The following FRMPD4 variants were observed in gnomAD, a reference collection of about 807,000 sequenced individuals.
FRMPD4 encodes the protein FERM and PDZ domain containing 4.
Under a neutral mutation model 94.1 loss-of-function variants are expected in FRMPD4, and 22 were observed. The ratio of observed to expected loss-of-function variants is 0.23; its 90% confidence interval spans 0.17 to 0.33. The LOEUF (loss-of-function observed/expected upper bound fraction) is 0.33. Ranked by LOEUF, FRMPD4 falls within the 10% of genes least tolerant of loss-of-function variation. The pLI is 1.00. For missense variants in FRMPD4, 1,111 were observed against 1,339.9 expected, an observed-to-expected ratio of 0.83 and a Z score of 2.67; for synonymous variants, 631 against 548.6, an observed-to-expected ratio of 1.15 and a Z score of -2.10.
chrX:11,828,117 A>G (rs1601789278), intron 1 of FRMPD4, among the ~76,000 whole-genome samples: 1 of 112,380 alleles, frequency 8.9e-6, no homozygotes, highest in South Asian at 3.7e-4. Flanking sequence ...CCTGGAAGTC[A>G]CCATTTGTGA....
At chrX:11,862,915 T>A (rs2053695325) in intron 1 of FRMPD4, among the ~76,000 whole-genome samples, 1 of 109,337 alleles carries the variant, frequency 9.1e-6, no homozygotes, top group African/African-American at 3.3e-5. Context: ...AACTAAGGTG[T>A]TTAAGGGTAG....
intron 1 of FRMPD4, among the ~76,000 whole-genome samples, chrX:12,487,361 A>G (rs946883520): frequency 8.9e-6 from 1 of 112,446 alleles, no homozygotes; most frequent in Non-Finnish European, 1.9e-5. Flanking sequence ...ACAAAAATAA[A>G]TAAGTGCAGA....
chrX:12,386,196 A>G (rs1302568602), intron 1 of FRMPD4, among the ~76,000 whole-genome samples: 1 of 112,582 alleles, frequency 8.9e-6, no homozygotes. Flanking sequence ...AACATCTGGA[A>G]GGAGCTCAGT....
upstream of FRMPD4, among the ~76,000 whole-genome samples, chrX:12,136,853 T>G (rs1177356040): frequency 9.3e-6 from 1 of 107,504 alleles, no homozygotes; most frequent in East Asian, 3.0e-4. Flanking sequence ...TTTACATATT[T>G]TAGATCAGAC....
chrX:12,609,250 A>G (rs1168928242), intron 2 of FRMPD4, among the ~76,000 whole-genome samples: 1 of 111,482 alleles, frequency 9.0e-6, no homozygotes, highest in Non-Finnish European at 1.9e-5. Flanking sequence ...GGGGTGGCAG[A>G]GGAGGAAGAA....
chrX:11,822,699 C>A lies in FRMPD4; in HGVS notation c.-177C>A, dbSNP rs2053419646. On this transcript the variant is annotated 5_prime_UTR_variant, in exon 1 of 19. Coordinates refer to the FRMPD4 transcript ENST00000640291. ...GCCAGGGCAGAGGCCAAGGTCTTGA[C>A]AGAGGCCACTGACGAGGTGAGTGTC... is the stretch of plus-strand genomic sequence containing the variant. Among the ~76,000 whole-genome samples, 3 of 112,323 alleles carry A rather than the reference C, an allele frequency of 2.7e-5. No homozygotes were observed. In the South Asian group the frequency reaches 1.1e-3, roughly 42 times the overall value.
At chrX:12,289,487 GGT>G (rs1256139375) in intron 1 of FRMPD4, among the ~76,000 whole-genome samples, 2 of 111,909 alleles carry the variant, frequency 1.8e-5, no homozygotes, top group Non-Finnish European at 3.8e-5. Flanking sequence ...GATAGCTAGT[GGT>G]CATCATATTG....
intron 1 of FRMPD4, among the ~76,000 whole-genome samples, chrX:12,373,846 T>C (rs2056195522): frequency 1.8e-5 from 2 of 112,330 alleles, no homozygotes; most frequent in Non-Finnish European, 3.8e-5. Flanking sequence ...CCCACAAAGC[T>C]GTCCGCTTTC....
Position 12,025,709 on chromosome X carries a change from C to T in FRMPD4, c.95+147691C>T, listed in dbSNP as rs192858778. 3.1e-4 allele frequency among the ~76,000 whole-genome samples: 35 copies of T among 112,144 alleles called. No homozygotes were observed. The Admixed American group carries it at 3.3e-3, about 11-fold the overall frequency. On this transcript the variant is annotated intron_variant, in intron 3 of 18. Coordinates refer to the FRMPD4 transcript ENST00000640291. Reference sequence around the variant, plus strand: ...CTGAACTGCCTGATGGAGAGAACCACATATCAAGGAACTGAGAACAGCCTT... The same window carrying T: ...CTGAACTGCCTGATGGAGAGAACCATATATCAAGGAACTGAGAACAGCCTT...
At chrX:11,843,807 T>A (rs1475229110) in intron 1 of FRMPD4, among the ~76,000 whole-genome samples, 1 of 110,572 alleles carries the variant, frequency 9.0e-6, no homozygotes, top group East Asian at 2.8e-4. Context: ...TGCCTTGGCC[T>A]TCAAAAGCAC....
In FRMPD4 at chrX:12,313,924, A is replaced by G. The variant is rs1601808956; in HGVS notation, c.41+174912A>G. Among the ~76,000 whole-genome samples, 4 of 112,257 alleles carry G rather than the reference A, an allele frequency of 3.6e-5. No individual in the cohort carries two copies. The East Asian group carries it at 1.1e-3, about 31-fold the overall frequency. Reference sequence around the variant, plus strand: ...TAAAATGTAACTTCTCTAAAATTTAATGTTATGTGTGTAATGTAATGTAAA... The same window carrying G: ...TAAAATGTAACTTCTCTAAAATTTAGTGTTATGTGTGTAATGTAATGTAAA... On this transcript the variant is annotated intron_variant, in intron 1 of 16. Coordinates refer to ENST00000675598, the MANE Select transcript of FRMPD4 (RefSeq NM_001368397.1).
chrX:12,041,314 G>A (rs1043635605), intron 3 of FRMPD4, among the ~76,000 whole-genome samples: 1 of 111,926 alleles, frequency 8.9e-6, no homozygotes, highest in African/African-American at 3.2e-5. Context: ...ACTCCTTTCA[G>A]CCTGAAAGAT....
chrX:11,848,051 A>T (rs1393000498), intron 1 of FRMPD4, among the ~76,000 whole-genome samples: 1 of 110,341 alleles, frequency 9.1e-6, no homozygotes. Flanking sequence ...AAAAAATAAA[A>T]AATAAATAAA....
At chrX:12,551,490 G>A (rs1192261949) in intron 2 of FRMPD4, among the ~76,000 whole-genome samples, 3 of 110,835 alleles carry the variant, frequency 2.7e-5, no homozygotes, top group Admixed American at 1.9e-4. Flanking sequence ...GTTTTTGTTT[G>A]GGTAAATCAG....
At chrX:12,433,992 G>C (rs765878991) in intron 1 of FRMPD4, among the ~76,000 whole-genome samples, 4 of 111,466 alleles carry the variant, frequency 3.6e-5, no homozygotes, top group Non-Finnish European at 7.5e-5. Flanking sequence ...GATAAAATAC[G>C]TATTGTGTTC....
intron 4 of FRMPD4, among the ~76,000 whole-genome samples, chrX:12,632,744 T>C (rs2059407201): frequency 8.9e-6 from 1 of 111,882 alleles, no homozygotes; most frequent in Non-Finnish European, 1.9e-5. Context: ...GATAATGTAC[T>C]AGCAGAGACC....
At chrX:12,546,509 T>C (rs2058478001) in intron 2 of FRMPD4, among the ~76,000 whole-genome samples, 2 of 112,321 alleles carry the variant, frequency 1.8e-5, no homozygotes, top group Admixed American at 9.4e-5. Context: ...CTTCTCTTAG[T>C]AGCCCATGGG....
chrX:12,458,900 TATAG>T (rs199596980), intron 1 of FRMPD4, among the ~76,000 whole-genome samples: 9,336 of 111,026 alleles, frequency 0.084, 344 homozygotes, highest in Non-Finnish European at 0.097. Context: ...TCCTGTGTTT[TATAG>T]ATAGATACTC....
Position 12,476,093 on chromosome X carries a change from A to T in FRMPD4, c.42-22587A>T, listed in dbSNP as rs1379364543. Among the ~76,000 whole-genome samples the T allele has an allele frequency of 5.4e-5, 6 of 111,967 alleles. No homozygotes were observed. In the East Asian group the frequency reaches 1.7e-3, roughly 31 times the overall value. Reference sequence around the variant, plus strand: ...ACAAGGCTACAGTAACCAAAACAGCATGGTACTGGTACCAAAACAGAGATA... The same window carrying T: ...ACAAGGCTACAGTAACCAAAACAGCTTGGTACTGGTACCAAAACAGAGATA... On this transcript the variant is annotated intron_variant, in intron 1 of 16. Coordinates refer to ENST00000675598, the MANE Select transcript of FRMPD4 (RefSeq NM_001368397.1).
Sources: allele counts gnomAD v4.1 joint callset (sites outside exome capture counted in the v4.1 genomes callset), GRCh38; gene constraint gnomAD v4.1.1; transcripts MANE v1.5; gene names NCBI Gene and HGNC (gene_info 2026-07-23, HGNC 2026-07-21).